The following C1orf185 variants were observed in gnomAD, a reference collection of about 807,000 sequenced individuals.
C1orf185 encodes uncharacterized protein C1orf185.
C1orf185 carries 13 observed loss-of-function variants against 16.1 expected under a neutral mutation model. The observed-to-expected ratio is 0.81, with a 90% CI of 0.53 to 1.28. C1orf185 has a LOEUF of 1.28. Among genes scored for constraint, C1orf185 ranks in the 50% most tolerant of loss-of-function variants. The pLI, the probability that C1orf185 is intolerant of heterozygous loss-of-function variation, is 0.00. For missense variants in C1orf185, 220 were observed against 225.2 expected, an observed-to-expected ratio of 0.98 and a Z score of 0.15; for synonymous variants, 80 against 76.9, an observed-to-expected ratio of 1.04 and a Z score of -0.21.
intron 3 of C1orf185, among the ~76,000 whole-genome samples, chr1:51,140,336 A>G (rs1238953708): frequency 2.0e-5 from 3 of 152,102 alleles, no homozygotes; most frequent in East Asian, 3.8e-4. Context: ...CTTTCTTTCA[A>G]TGGATTCTAG....
intron 2 of C1orf185, among the ~76,000 whole-genome samples, chr1:51,114,421 C>T (rs1646143620): frequency 6.6e-6 from 1 of 152,154 alleles, no homozygotes; most frequent in African/African-American, 2.4e-5. Flanking sequence ...AATATTATCT[C>T]CATTTTAAAG....
In C1orf185 at chr1:51,118,813, T is replaced by G; in HGVS notation, c.258+12T>G. The G allele has an allele frequency of 1.5e-6, 2 of 1,378,488 alleles. No individual in the cohort carries two copies. Among genetic ancestry groups the G allele is most frequent in the Non-Finnish European group, 1.9e-6 (2 of 1,045,788 alleles). The allele number at this position is 1,378,488 out of a possible 1,614,324, so 85.4% of individuals were successfully genotyped here. Reference sequence around the variant, plus strand: ...GATTCCAATTACAGGTAGGGTGTAATATTTTATAGTAATCTTTTCAAATAA... The same window carrying G: ...GATTCCAATTACAGGTAGGGTGTAAGATTTTATAGTAATCTTTTCAAATAA... On this transcript the variant is annotated intron_variant, in intron 3 of 4. Coordinates refer to ENST00000371759, the MANE Select transcript of C1orf185 (RefSeq NM_001136508.2).
chr1:51,102,324 G>T, intron 1 of C1orf185, 75 bp downstream of exon 1: 2 of 701,312 alleles, frequency 2.9e-6, no homozygotes, highest in Admixed American at 4.1e-5. Context: ...CGAACAACCA[G>T]AAATCTATTT....
intron 3 of C1orf185, among the ~76,000 whole-genome samples, chr1:51,140,750 A>C (rs1359511129): frequency 6.6e-6 from 1 of 152,144 alleles, no homozygotes; most frequent in East Asian, 1.9e-4. Flanking sequence ...AAGTTGTCTA[A>C]TTTATTGGCA....
At chr1:51,149,042 A>G (rs1265067345), downstream of C1orf185, among the ~76,000 whole-genome samples, 3 of 152,222 alleles carry the variant, frequency 2.0e-5, no homozygotes. Context: ...CCTGACTCAC[A>G]CTGGATGATT....
intron 3 of C1orf185, among the ~76,000 whole-genome samples, chr1:51,141,859 T>C: frequency 6.6e-6 from 1 of 152,050 alleles, no homozygotes; most frequent in East Asian, 1.9e-4. Context: ...TGAGATGGAG[T>C]ATCGCTCTGT....
chr1:51,105,723 G>C (rs1259367944), intron 1 of C1orf185, among the ~76,000 whole-genome samples: 1 of 152,124 alleles, frequency 6.6e-6, no homozygotes, highest in African/African-American at 2.4e-5. Flanking sequence ...AAAGTGGGGA[G>C]TTACTTTAGA....
At chr1:51,102,465 T>A (rs994118257) in intron 1 of C1orf185, 2 of 342,954 alleles carry the variant, frequency 5.8e-6, no homozygotes, top group Non-Finnish European at 1.1e-5. Flanking sequence ...TAACGGATAC[T>A]GTTCATATAT....
At chr1:51,131,735 C>A (rs544179412) in intron 3 of C1orf185, among the ~76,000 whole-genome samples, 2 of 152,238 alleles carry the variant, frequency 1.3e-5, no homozygotes, top group South Asian at 4.1e-4. Context: ...TACATTTAAA[C>A]CTAAAATAAG....
At position 51,145,748 on chromosome 1, in the gene C1orf185, G is replaced by C. The variant is rs959618523; in HGVS notation, c.283G>C (p.Ala95Pro). 1 of 1,309,960 alleles carries C rather than the reference G, an allele frequency of 7.6e-7. No individual in the cohort carries two copies. The highest frequency in any genetic ancestry group is 1.5e-5 in the African/African-American group (1 of 66,354). 81.1% of individuals were successfully genotyped at this position (1,309,960 alleles called of 1,614,324 possible). The change falls in exon 4 of 5, where the codon GCA (alanine) becomes CCA (proline). Residue 95 changes from alanine (A) to proline (P), a missense_variant. By Grantham distance (27) the Ala-to-Pro change is conservative (BLOSUM62 -1). Coordinates refer to ENST00000371759, the MANE Select transcript of C1orf185 (RefSeq NM_001136508.2). ...GGAGGAGCAAAGAAAAAAGGAAGCAGCACATATAAAAGGTATTTTTTCTCA... is the reference window on the plus strand; with the variant it reads ...GGAGGAGCAAAGAAAAAAGGAAGCACCACATATAAAAGGTATTTTTTCTCA... ...LQEEQRKKEA[A>P]HIKAIKDHSK... is the part of the protein sequence containing the mutation.
intron 3 of C1orf185, among the ~76,000 whole-genome samples, chr1:51,140,439 G>C (rs539632548): frequency 1.3e-5 from 2 of 152,016 alleles, no homozygotes; most frequent in Admixed American, 1.3e-4. Context: ...ATCATAGTTC[G>C]TTTTTGTTCA....
At chr1:51,130,217 T>C (rs765951177) in intron 3 of C1orf185, among the ~76,000 whole-genome samples, 1 of 152,182 alleles carries the variant, frequency 6.6e-6, no homozygotes, top group African/African-American at 2.4e-5. Context: ...CTGGGTCATA[T>C]ATTTAATGCC....
chr1:51,116,044 T>C (rs1250232607), intron 2 of C1orf185, among the ~76,000 whole-genome samples: 2 of 152,090 alleles, frequency 1.3e-5, no homozygotes. Flanking sequence ...GGGCTGGTGA[T>C]AAAAATGAAA....
chr1:51,105,741 C>T (rs184640325), intron 1 of C1orf185, among the ~76,000 whole-genome samples: 1 of 152,150 alleles, frequency 6.6e-6, no homozygotes, highest in East Asian at 1.9e-4. Flanking sequence ...AGATAGGATA[C>T]TTAAGAGTGG....
chr1:51,145,690 G>A, intron 3 of C1orf185, 34 bp from the exon 4 acceptor site: 2 of 1,176,148 alleles, frequency 1.7e-6, no homozygotes, highest in South Asian at 1.7e-5. Context: ...AAATTATTCT[G>A]ATTTTAAAAC....
chr1:51,121,310 C>T (rs567166519), intron 3 of C1orf185, among the ~76,000 whole-genome samples: 1 of 152,276 alleles, frequency 6.6e-6, no homozygotes, highest in East Asian at 1.9e-4. Context: ...CACCATTCTA[C>T]TGTCTGCTTC....
In C1orf185 at chr1:51,118,657, A is replaced by C. The variant is rs747226436; in HGVS notation, c.123-9A>C. ...GGTTTAATAATATTCTTTATAAAAT[A>C]TTTTTCAGAGAAATATTTCAAAATT... On this transcript the variant is annotated splice_polypyrimidine_tract_variant and intron_variant, in intron 2 of 4. Coordinates refer to ENST00000371759, the MANE Select transcript of C1orf185 (RefSeq NM_001136508.2). 3.7e-6 allele frequency: 5 copies of C among 1,337,938 alleles called. No homozygotes were observed. The highest frequency in any genetic ancestry group is 3.6e-5 in the South Asian group (2 of 55,090). 82.9% of individuals were successfully genotyped at this position (1,337,938 alleles called of 1,614,324 possible).
downstream of C1orf185, among the ~76,000 whole-genome samples, chr1:51,151,371 G>A (rs766564155): frequency 1.1e-4 from 16 of 152,116 alleles, no homozygotes; most frequent in Non-Finnish European, 2.4e-4. Flanking sequence ...GAGGAACAAA[G>A]GAAGTGAAGT....
chr1:51,127,475 A>C (rs142407269), intron 3 of C1orf185, among the ~76,000 whole-genome samples: 1 of 152,006 alleles, frequency 6.6e-6, no homozygotes, highest in Non-Finnish European at 1.5e-5. Flanking sequence ...TTAGTAGGAC[A>C]GGGTTTCACC....
Sources: gnomAD v4.1 joint callset for allele counts (sites outside exome capture counted in the v4.1 genomes callset) on GRCh38, gnomAD v4.1.1 for gene constraint, MANE v1.5 for transcripts, NCBI Gene and HGNC (gene_info 2026-07-23, HGNC 2026-07-21) for gene names.